Variants in POU6F2 observed in about 807,000 individuals in gnomAD.
POU6F2 encodes the protein POU class 6 homeobox 2.
A neutral mutation model predicts 71.3 loss-of-function variants in POU6F2; 31 were observed. The observed-to-expected ratio is 0.43, with a 90% CI of 0.33 to 0.59. The LOEUF (loss-of-function observed/expected upper bound fraction) is 0.59. Ranked by LOEUF, POU6F2 falls within the 20% of genes least tolerant of loss-of-function variation. POU6F2 has a pLI of 0.04. For missense variants in POU6F2, 783 were observed against 856.8 expected (o/e 0.91, Z 1.07); for synonymous variants, 347 against 355.7 (o/e 0.98, Z 0.27).
chr7:39,320,586 A>T (rs1402982028), intron 4 of POU6F2, among the ~76,000 whole-genome samples: 1 of 152,312 alleles, frequency 6.6e-6, no homozygotes, highest in African/African-American at 2.4e-5. Context: ...ACAACTATTA[A>T]TATAAAAGAC....
intron 2 of POU6F2, among the ~76,000 whole-genome samples, chr7:39,098,572 C>A (rs868513567): frequency 6.6e-6 from 1 of 152,146 alleles, no homozygotes; most frequent in Non-Finnish European, 1.5e-5. Context: ...TGAGCCACTG[C>A]ACCTGGCCAT....
intron 4 of POU6F2, among the ~76,000 whole-genome samples, chr7:39,238,310 C>T (rs1297664128): frequency 1.3e-5 from 2 of 152,104 alleles, no homozygotes; most frequent in Non-Finnish European, 1.5e-5. Flanking sequence ...ATGGTAGTTG[C>T]TTCGCCAGTG....
chr7:38,983,861 T>G (rs1306194700), intron 1 of POU6F2, among the ~76,000 whole-genome samples: 1 of 152,122 alleles, frequency 6.6e-6, no homozygotes, highest in African/African-American at 2.4e-5. Flanking sequence ...TTTGATTATT[T>G]ACATTAAAGG....
At chr7:39,374,159 T>C (rs1290065389) in intron 5 of POU6F2, among the ~76,000 whole-genome samples, 2 of 152,192 alleles carry the variant, frequency 1.3e-5, no homozygotes, top group East Asian at 1.9e-4. Flanking sequence ...TGAGAAATAA[T>C]ACAGCTGTCA....
intron 1 of POU6F2, chr7:39,006,986 G>A (rs538817144): frequency 6.9e-6 from 7 of 1,012,808 alleles, no homozygotes; most frequent in African/African-American, 4.7e-5. Flanking sequence ...AGTCAAATGA[G>A]TGAGATTCCC....
chr7:39,111,996 A>G (rs1791822860), intron 2 of POU6F2, among the ~76,000 whole-genome samples: 2 of 152,210 alleles, frequency 1.3e-5, no homozygotes, highest in Admixed American at 1.3e-4. Context: ...GTTCAAAATT[A>G]AATGTGGCCT....
At chr7:39,025,311 A>G (rs894476172) in intron 1 of POU6F2, among the ~76,000 whole-genome samples, 4 of 152,166 alleles carry the variant, frequency 2.6e-5, no homozygotes, top group African/African-American at 9.6e-5. Context: ...AGCCAAAAGG[A>G]CAAAGCTGGA....
intron 1 of POU6F2, among the ~76,000 whole-genome samples, chr7:39,078,380 C>T (rs2128719491): frequency 6.6e-6 from 1 of 152,296 alleles, no homozygotes; most frequent in East Asian, 1.9e-4. Context: ...TGGGGAAGGT[C>T]TCCAAAATAT....
intron 6 of POU6F2, among the ~76,000 whole-genome samples, chr7:39,408,690 T>C (rs1787488483): frequency 6.6e-6 from 1 of 152,262 alleles, no homozygotes; most frequent in African/African-American, 2.4e-5. Context: ...TGCCTACTCA[T>C]GAAATCTTAA....
intron 5 of POU6F2, among the ~76,000 whole-genome samples, chr7:39,372,769 C>A (rs941148155): frequency 3.3e-5 from 5 of 152,146 alleles, no homozygotes; most frequent in African/African-American, 4.8e-5. Flanking sequence ...TAGTGCTTCT[C>A]ATTATCAAAT....
At chr7:39,036,559 A>T (rs1258298458) in intron 1 of POU6F2, among the ~76,000 whole-genome samples, 1 of 152,050 alleles carries the variant, frequency 6.6e-6, no homozygotes, top group Non-Finnish European at 1.5e-5. Flanking sequence ...ATGCCATTTA[A>T]AAATAAGAGG....
chr7:39,178,792 C>A (rs887195697), intron 2 of POU6F2, among the ~76,000 whole-genome samples: 1 of 152,156 alleles, frequency 6.6e-6, no homozygotes, highest in African/African-American at 2.4e-5. Context: ...CTGTTGACTG[C>A]CAGTTTACCT....
At chr7:39,045,072 C>T (rs1562683741) in intron 1 of POU6F2, among the ~76,000 whole-genome samples, 2 of 151,918 alleles carry the variant, frequency 1.3e-5, no homozygotes, top group Admixed American at 1.3e-4. Flanking sequence ...TCTCTGGGTA[C>T]ACAGGTATCC....
chr7:39,365,014 C>A (rs569267749), intron 5 of POU6F2, among the ~76,000 whole-genome samples: 7 of 152,100 alleles, frequency 4.6e-5, no homozygotes, highest in Non-Finnish European at 1.0e-4. Flanking sequence ...TTTCCTTGAT[C>A]ATTAATGATG....
intron 4 of POU6F2, among the ~76,000 whole-genome samples, chr7:39,244,742 T>C (rs1011663017): frequency 2.6e-5 from 4 of 152,170 alleles, no homozygotes; most frequent in African/African-American, 9.6e-5. Context: ...GTTAAAATCA[T>C]GGTTCTCATT....
chr7:39,327,854 C>CA (rs34503228), intron 4 of POU6F2, among the ~76,000 whole-genome samples: 15,249 of 131,586 alleles, frequency 0.12, 917 homozygotes, highest in Non-Finnish European at 0.16. Flanking sequence ...TAGTTTGTGT[C>CA]AAAAAAAAAA....
intron 1 of POU6F2, among the ~76,000 whole-genome samples, chr7:39,079,180 C>CTTTTT (rs1162865518): frequency 1.4e-4 from 11 of 79,302 alleles, no homozygotes; most frequent in Admixed American, 1.9e-4. Context: ...CTCACAATAT[C>CTTTTT]TTTTTTTTTT....
chr7:39,290,083 T>G (rs1784723057), intron 4 of POU6F2, among the ~76,000 whole-genome samples: 1 of 152,210 alleles, frequency 6.6e-6, no homozygotes, highest in South Asian at 2.1e-4. Flanking sequence ...AAATATGACT[T>G]AAGGAAAAGT....
chr7:39,128,130 T>G (rs1472505423), intron 2 of POU6F2, among the ~76,000 whole-genome samples: 1 of 152,072 alleles, frequency 6.6e-6, no homozygotes, highest in Non-Finnish European at 1.5e-5. Context: ...TGTGAGCCAC[T>G]GTGCCCGGCC....
Sources: gnomAD v4.1 joint callset for allele counts (sites outside exome capture counted in the v4.1 genomes callset) on GRCh38, gnomAD v4.1.1 for gene constraint, MANE v1.5 for transcripts, NCBI Gene and HGNC (gene_info 2026-07-23, HGNC 2026-07-21) for gene names.